Variants in TDRD1 observed in about 807,000 individuals in gnomAD.
The protein encoded by TDRD1 is tudor domain containing 1.
In TDRD1, 37 loss-of-function variants were observed where a neutral mutation model predicts 140.6. The ratio of observed to expected loss-of-function variants is 0.26; its 90% confidence interval spans 0.20 to 0.35. The LOEUF (loss-of-function observed/expected upper bound fraction) is 0.35. Among genes scored for constraint, TDRD1 ranks in the 10% least tolerant of loss-of-function variants. TDRD1 has a pLI of 1.00. For synonymous variants in TDRD1, 506 were observed against 475.7 expected (o/e 1.06, Z -0.83); for missense variants, 1,243 against 1,393.0 (o/e 0.89, Z 1.71).
chr10:114,204,850 G>C (rs747191267), exon 10 of TDRD1: 2 of 1,595,620 alleles, frequency 1.3e-6, no homozygotes, highest in East Asian at 4.5e-5. Context: ...TCTTGGAAGA[G>C]GAAGTGGTTA....
chr10:114,213,216 C>A lies in TDRD1; in HGVS notation c.1832-130C>A, dbSNP rs73357568. On this transcript the variant is annotated intron_variant, in intron 14 of 25. Transcript: ENST00000251864. ...TTAATTATGCATTCATTTTTATGTTCTTCTTAAGTGACACGTTTCCGTTCC... is the reference window on the plus strand; with the variant it reads ...TTAATTATGCATTCATTTTTATGTTATTCTTAAGTGACACGTTTCCGTTCC... 5.2e-4 allele frequency: 427 copies of A among 816,556 alleles called. 4 individuals are homozygous for A. The African/African-American group carries it at 6.6e-3, about 13-fold the overall frequency. The allele number at this position is 816,556 out of a possible 1,614,324, so 50.6% of individuals were successfully genotyped here.
chr10:114,206,702 C>T (rs1006937008), intron 11 of TDRD1, among the ~76,000 whole-genome samples: 12 of 150,382 alleles, frequency 8.0e-5, no homozygotes, highest in Non-Finnish European at 1.3e-4. Flanking sequence ...TAACCTCTGC[C>T]TCCCTGGTTC....
intron 3 of TDRD1, 84 bp from the exon 4 acceptor site, chr10:114,199,089 C>T (rs1033920039): frequency 7.0e-7 from 1 of 1,419,290 alleles, no homozygotes; most frequent in African/African-American, 1.4e-5. Context: ...TCTACTTGAT[C>T]TTATCTGAAG....
intron 20 of TDRD1, among the ~76,000 whole-genome samples, chr10:114,222,015 C>T (rs1046184308): frequency 7.2e-5 from 11 of 152,162 alleles, no homozygotes; most frequent in Non-Finnish European, 1.6e-4. Flanking sequence ...AAGCTGAGTG[C>T]TGTCTTTTTA....
At chr10:114,218,369 A>T in intron 17 of TDRD1, 45 bp from the exon 18 acceptor site, 1 of 1,324,592 alleles carries the variant, frequency 7.5e-7, no homozygotes, top group Non-Finnish European at 9.9e-7. Flanking sequence ...TCAAGTGTCG[A>T]TAGAAAGGAA....
intron 20 of TDRD1, 40 bp from the exon 21 acceptor site, chr10:114,222,547 G>A: frequency 7.6e-7 from 1 of 1,314,658 alleles, no homozygotes; most frequent in Non-Finnish European, 1.1e-6. Context: ...TAGTAGCACT[G>A]GAAATTTTCT....
At chr10:114,214,156 T>TG (rs764950137) in intron 16 of TDRD1, 42 bp downstream of exon 16, 1 of 1,575,818 alleles carries the variant, frequency 6.3e-7, no homozygotes, top group South Asian at 1.1e-5. Flanking sequence ...ACAAATACAT[T>TG]GGCATAGATA....
intron 3 of TDRD1, among the ~76,000 whole-genome samples, chr10:114,195,878 C>G (rs1053241001): frequency 2.0e-5 from 3 of 152,014 alleles, no homozygotes; most frequent in Admixed American, 1.3e-4. Context: ...TGATTTTTAT[C>G]CAGTGTTTTC....
intron 3 of TDRD1, among the ~76,000 whole-genome samples, chr10:114,191,432 G>A (rs1045897609): frequency 1.3e-5 from 2 of 152,136 alleles, no homozygotes; most frequent in Non-Finnish European, 2.9e-5. Context: ...TGCATATTTC[G>A]ACAATTTTGA....
At chr10:114,227,788 C>A in intron 23 of TDRD1, 122 bp from the exon 24 acceptor site, 5 of 726,982 alleles carry the variant, frequency 6.9e-6, no homozygotes, top group Non-Finnish European at 1.2e-5. Context: ...ATGGATCCAT[C>A]CAGGTCTTTG....
rs534731123 is a variant in TDRD1, at chr10:114,199,430, C to T, written c.529+113C>T. 3.0e-6 allele frequency: 4 copies of T among 1,331,804 alleles called. No homozygotes were observed. In the East Asian group the frequency reaches 1.0e-4, roughly 35 times the overall value. The allele number at this position is 1,331,804 out of a possible 1,614,324, so 82.5% of individuals were successfully genotyped here. ...TAATTAGAACAGTGTCCCCATGCCA[C>T]ACACCCGTCTCAGCCTCAGCAGCTG... On this transcript the variant is annotated intron_variant, in intron 4 of 25. Coordinates refer to ENST00000251864, the Ensembl canonical transcript of TDRD1.
chr10:114,187,467 C>T (rs1287875952), intron 1 of TDRD1, among the ~76,000 whole-genome samples: 4 of 152,166 alleles, frequency 2.6e-5, no homozygotes, highest in Non-Finnish European at 5.9e-5. Context: ...ACACCTCTTC[C>T]GTTGCATTTT....
chr10:114,202,571 A>T (rs970488094), intron 6 of TDRD1, among the ~76,000 whole-genome samples: 1 of 152,188 alleles, frequency 6.6e-6, no homozygotes, highest in East Asian at 1.9e-4. Flanking sequence ...CTGTACTCTA[A>T]TAGGGCCTAG....
chr10:114,220,957 A>G, intron 19 of TDRD1, 114 bp downstream of exon 19: 1 of 658,438 alleles, frequency 1.5e-6, no homozygotes, highest in Non-Finnish European at 2.6e-6. Context: ...CTTTACGGAC[A>G]TAGATTAGTA....
At chr10:114,186,795 T>C (rs1018524013) in intron 1 of TDRD1, among the ~76,000 whole-genome samples, 1 of 152,188 alleles carries the variant, frequency 6.6e-6, no homozygotes, top group Non-Finnish European at 1.5e-5. Context: ...TATTTTTGTT[T>C]TTATTTCATT....
chr10:114,232,504 CTTTTTTTTT>C (rs140805425), downstream of TDRD1, among the ~76,000 whole-genome samples: 2 of 81,668 alleles, frequency 2.4e-5, no homozygotes, highest in African/African-American at 4.8e-5. Context: ...ACTTGAAAGA[CTTTTTTTTT>C]TTTTTTTTTT....
At chr10:114,195,457 A>G (rs966539555) in intron 3 of TDRD1, among the ~76,000 whole-genome samples, 3 of 152,018 alleles carry the variant, frequency 2.0e-5, no homozygotes, top group East Asian at 1.9e-4. Flanking sequence ...TTAGTTGTCT[A>G]TTTTCAATTC....
At chr10:114,226,603 A>T (rs563339092) in intron 22 of TDRD1, among the ~76,000 whole-genome samples, 87 of 152,308 alleles carry the variant, frequency 5.7e-4, no homozygotes, top group African/African-American at 1.9e-3. Flanking sequence ...AGGCATTCAC[A>T]TGACACCATT....
chr10:114,195,808 T>C (rs1392817257), intron 3 of TDRD1, among the ~76,000 whole-genome samples: 1 of 152,200 alleles, frequency 6.6e-6, no homozygotes, highest in Non-Finnish European at 1.5e-5. Flanking sequence ...GTTTATGCCA[T>C]TTGTTTTCTG....
Sources: gnomAD v4.1 joint callset for allele counts (sites outside exome capture counted in the v4.1 genomes callset) on GRCh38, gnomAD v4.1.1 for gene constraint, MANE v1.5 for transcripts, NCBI Gene and HGNC (gene_info 2026-07-23, HGNC 2026-07-21) for gene names.